LTO1: variants seen among roughly 807,000 people sequenced by gnomAD.
LTO1 encodes the protein LTO1 maturation factor of ABCE1.
In LTO1, 18 loss-of-function variants were observed where a neutral mutation model predicts 19.8. That is an observed-to-expected ratio of 0.91 (90% CI 0.63 to 1.35). LTO1 has a LOEUF of 1.35. Ranked by LOEUF, LTO1 falls within the 40% of genes most tolerant of loss-of-function variation. The pLI is 0.00. For synonymous variants in LTO1, 59 were observed against 59.6 expected (o/e 0.99, Z 0.05); for missense variants, 175 against 167.9 (o/e 1.04, Z -0.23).
chr11:69,675,163 G>C (rs762422675), intron 1 of LTO1, 27 bp downstream of exon 1: 2 of 1,588,940 alleles, frequency 1.3e-6, no homozygotes, highest in Admixed American at 3.5e-5. Context: ...AGACAGGGCG[G>C]GGTGCGGGCC....
chr11:69,674,454 G>C (rs1856157977), intron 1 of LTO1: 2 of 281,734 alleles, frequency 7.1e-6, no homozygotes, highest in Admixed American at 9.4e-5. Context: ...GCCCCATGAA[G>C]CAGGGTGCAT....
In LTO1 at chr11:69,674,821, G is replaced by A. The variant is rs1434325351; in HGVS notation, c.50+369C>T. 2.2e-5 allele frequency: 11 copies of A among 508,274 alleles called. No individual in the cohort carries two copies. In the East Asian group the frequency reaches 3.8e-4, roughly 17 times the overall value. The allele number at this position is 508,274 out of a possible 1,614,324, so 31.5% of individuals were successfully genotyped here. ...ATCTATCAGCACATCCATGAATACT[G>A]CCGTATGTCCTATGATTAAGGAACC... On this transcript the variant is annotated intron_variant, in intron 1 of 4. Coordinates refer to ENST00000279147, the MANE Select transcript of LTO1 (RefSeq NM_153451.3).
intron 3 of LTO1, among the ~76,000 whole-genome samples, chr11:69,670,984 TC>T (rs562395957): frequency 7.4e-4 from 113 of 152,312 alleles, no homozygotes; most frequent in Non-Finnish European, 1.5e-4. Context: ...CACTGCAACC[TC>T]TGCCTCCTGG....
At chr11:69,674,841 G>A (rs778746215) in intron 1 of LTO1, 55 of 552,704 alleles carry the variant, frequency 1.0e-4, no homozygotes, top group Non-Finnish European at 1.7e-4. Context: ...CTATGATTAA[G>A]GAACCAGAAA....
rs1289727932 is a variant in LTO1 at position 69,666,285 on chromosome 11, C to G, written c.*1234G>C. Reference sequence around the variant, plus strand: ...GCACAACACAATCCACTAGGACATTCGGGAATGGTTTTAAAACCAAAGTGG... The same window carrying G: ...GCACAACACAATCCACTAGGACATTGGGGAATGGTTTTAAAACCAAAGTGG... On this transcript the variant is annotated 3_prime_UTR_variant, in exon 5 of 5. Coordinates refer to ENST00000279147, the MANE Select transcript of LTO1 (RefSeq NM_153451.3). The G allele has an allele frequency of 6.6e-6, 1 of 152,026 alleles. No homozygotes were observed. Among genetic ancestry groups the G allele is most frequent in the Non-Finnish European group, 1.5e-5 (1 of 67,872 alleles). 9.4% of individuals were successfully genotyped at this position (152,026 alleles called of 1,614,324 possible).
chr11:69,671,199 G>A (rs1379046643), intron 3 of LTO1, among the ~76,000 whole-genome samples: 1 of 151,996 alleles, frequency 6.6e-6, no homozygotes, highest in African/African-American at 2.4e-5. Context: ...GCGCCCGGCC[G>A]AGAAGAGTTT....
chr11:69,667,394 A>C lies in LTO1; in HGVS notation c.*125T>G. ...GGGAAGGAAGCCCTCCCACGGCCGA[A>C]CCGGAACCCTCACCCTCCCAATGAA... On this transcript the variant is annotated 3_prime_UTR_variant, in exon 5 of 5. Transcript: ENST00000279147. 22 of 707,084 alleles carry C rather than the reference A, an allele frequency of 3.1e-5. No individual in the cohort carries two copies. Among genetic ancestry groups the C allele is most frequent in the Non-Finnish European group, 2.5e-5 (10 of 396,330 alleles). 43.8% of individuals were successfully genotyped at this position (707,084 alleles called of 1,614,324 possible).
At chr11:69,668,234 T>C in intron 3 of LTO1, 1 of 488,314 alleles carries the variant, frequency 2.0e-6, no homozygotes, top group Non-Finnish European at 3.7e-6. Flanking sequence ...GTGCCTAGCT[T>C]ACAGACACGC....
At chr11:69,674,424 T>C (rs1239919955) in intron 1 of LTO1, 1 of 255,696 alleles carries the variant, frequency 3.9e-6, no homozygotes, top group African/African-American at 2.3e-5. Flanking sequence ...TCACCAAACA[T>C]GCAAGGAGTG....
intron 1 of LTO1, 68 bp from the exon 2 acceptor site, chr11:69,673,389 T>C: frequency 1.9e-6 from 2 of 1,066,176 alleles, no homozygotes; most frequent in Non-Finnish European, 2.9e-6. Context: ...AAAACTTCTC[T>C]CTCTTGTATT....
chr11:69,672,005 C>T, intron 2 of LTO1, 186 bp from the exon 3 acceptor site: 1 of 572,534 alleles, frequency 1.7e-6, no homozygotes, highest in East Asian at 3.1e-5. Flanking sequence ...GGGCAGCCAG[C>T]CTCCCAGATG....
Position 69,673,228 on chromosome 11 carries a change from T to G in LTO1, c.144A>C (p.Lys48Asn), listed in dbSNP as rs773275643. 3 of 1,605,160 alleles carry G rather than the reference T, an allele frequency of 1.9e-6. No individual in the cohort carries two copies. Among genetic ancestry groups the G allele is most frequent in the Admixed American group, 3.3e-5 (2 of 60,018 alleles). Residue 48 changes from lysine to asparagine, a missense_variant, in exon 2 of 5, where the codon AAA becomes AAC. Physicochemically the swap from Lys to Asn is moderately conservative, Grantham distance 94. Transcript: ENST00000279147. ...GRQHGTLHGA[K>N]IGSEIGCYQG... ...GGTTCCCACTTACCTCAGACCCGAT[T>G]TTGGCTCCATGCAGCGTGCCATGCT...
At chr11:69,668,058 G>A (rs780413947) in intron 3 of LTO1, 46 bp from the exon 4 acceptor site, 21 of 935,752 alleles carry the variant, frequency 2.2e-5, no homozygotes, top group Non-Finnish European at 3.0e-5. Flanking sequence ...GCACACAACA[G>A]GCTCAACTTA....
intron 3 of LTO1, among the ~76,000 whole-genome samples, chr11:69,670,125 G>A (rs1026502754): frequency 5.9e-5 from 9 of 152,178 alleles, no homozygotes; most frequent in Admixed American, 1.3e-4. Context: ...TGGGATGAGG[G>A]CGGCTGCGAG....
rs775449809 is a variant in LTO1, at chr11:69,667,439, G to T, written c.*80C>A. ...AATGAACAACTGCCTTCCCAGCACC[G>T]TCTGGCCCTTCACCGCATTTCTAAA... is the stretch of plus-strand genomic sequence containing the variant. On this transcript the variant is annotated 3_prime_UTR_variant, in exon 5 of 5. Transcript: ENST00000279147. 1 of 955,232 alleles carries T rather than the reference G, an allele frequency of 1.0e-6. No individual in the cohort carries two copies. Among genetic ancestry groups the T allele is most frequent in the Non-Finnish European group, 1.7e-6 (1 of 583,028 alleles). 59.2% of individuals were successfully genotyped at this position (955,232 alleles called of 1,614,324 possible).
chr11:69,668,047 T>G (rs752659492), intron 3 of LTO1, 35 bp from the exon 4 acceptor site: 1 of 1,043,300 alleles, frequency 9.6e-7, no homozygotes, highest in Non-Finnish European at 1.5e-6. Flanking sequence ...CTCAGTCATG[T>G]GCACACAACA....
intron 3 of LTO1, among the ~76,000 whole-genome samples, chr11:69,671,121 G>A (rs772246852): frequency 2.6e-5 from 4 of 152,010 alleles, no homozygotes; most frequent in South Asian, 2.1e-4. Context: ...GGCTGGTCTC[G>A]AACTCTTGAT....
chr11:69,673,068 G>A, intron 2 of LTO1, 148 bp downstream of exon 2: 1 of 696,478 alleles, frequency 1.4e-6, no homozygotes, highest in East Asian at 2.8e-5. Flanking sequence ...CTCCCAAAGT[G>A]CTGGGATTAC....
Position 69,673,237 on chromosome 11 carries a change from A to C in LTO1, c.135T>G (p.His45Gln), listed in dbSNP as rs149985124. The C allele has an allele frequency of 2.5e-6, 4 of 1,611,348 alleles. No homozygotes were observed. Among genetic ancestry groups the C allele is most frequent in the Non-Finnish European group, 3.4e-6 (4 of 1,177,412 alleles). Residue 45 changes from histidine (H) to glutamine (Q), a missense_variant, in exon 2 of 5, where the codon CAT (histidine) becomes CAG (glutamine). His to Gln is a conservative substitution (Grantham distance 24, BLOSUM62 0). Coordinates refer to ENST00000279147, the MANE Select transcript of LTO1 (RefSeq NM_153451.3). The part of the protein sequence containing the change: ...VMEGRQHGTL[H>Q]GAKIGSEIGC... Reference sequence around the variant, plus strand: ...TTACCTCAGACCCGATTTTGGCTCCATGCAGCGTGCCATGCTGCCTTCCCT... The same window carrying C: ...TTACCTCAGACCCGATTTTGGCTCCCTGCAGCGTGCCATGCTGCCTTCCCT...
Sources: allele counts gnomAD v4.1 joint callset (sites outside exome capture counted in the v4.1 genomes callset), GRCh38; gene constraint gnomAD v4.1.1; transcripts MANE v1.5; gene names NCBI Gene and HGNC (gene_info 2026-07-23, HGNC 2026-07-21).